The following UNK variants were observed in gnomAD, a reference collection of about 807,000 sequenced individuals.
UNK encodes the protein unk zinc finger, also known as RING finger protein unkempt homolog.
A neutral mutation model predicts 97.6 loss-of-function variants in UNK; 32 were observed. The observed-to-expected ratio is 0.33, with a 90% confidence interval of 0.25 to 0.44. UNK has a LOEUF of 0.44. Ranked by LOEUF, UNK falls within the 20% of genes least tolerant of loss-of-function variation. The pLI is 1.00. For synonymous variants in UNK, 441 were observed against 461.2 expected (o/e 0.96, Z 0.56); for missense variants, 771 against 1,098.4 (o/e 0.70, Z 4.21).
chr17:75,787,507 CTT>C (rs573451271), intron 1 of UNK, among the ~76,000 whole-genome samples: 12 of 139,354 alleles, frequency 8.6e-5, no homozygotes, highest in Non-Finnish European at 1.3e-4. Flanking sequence ...CCACACCCAG[CTT>C]TTTTTTTTTT....
chr17:75,797,904 T>C lies in UNK; in HGVS notation c.105-11856T>C, dbSNP rs200186580. 2.0e-3 allele frequency among the ~76,000 whole-genome samples: 311 copies of C among 152,306 alleles called. 2 individuals are homozygous for C. The highest frequency in any genetic ancestry group is 6.8e-3 in the African/African-American group (282 of 41,560). ...AAATCTGGTGTTGCAGCGCCATCTC[T>C]TTCTGTTGGCTTGTCTTAGTTGTCT... On this transcript the variant is annotated intron_variant, in intron 1 of 15. Transcript: ENST00000589666.
At chr17:75,820,624 C>T (rs1425834026) in intron 13 of UNK, among the ~76,000 whole-genome samples, 1 of 152,182 alleles carries the variant, frequency 6.6e-6, no homozygotes, top group Non-Finnish European at 1.5e-5. Flanking sequence ...TGTTTGCCCA[C>T]AGAATTAGAA....
intron 1 of UNK, chr17:75,793,814 T>C (rs1205044417): frequency 1.0e-6 from 1 of 985,312 alleles, no homozygotes; most frequent in Non-Finnish European, 1.2e-6. Context: ...CTATGAAATT[T>C]TGGCCTATTC....
chr17:75,823,381 G>A lies in UNK; in HGVS notation c.2136G>A (p.Lys712=). 6.2e-7 allele frequency: 1 copy of A among 1,610,722 alleles called. No homozygotes were observed. Residue 712 remains lysine (K), a synonymous_variant, in exon 15 of 16, where the codon AAG becomes AAA. Coordinates refer to ENST00000589666, the MANE Select transcript of UNK (RefSeq NM_001080419.3). ...ATGCACTGGAGGTGCAGGTGAAGAA[G>A]CTCCAGGAGGAGCTGGAGCGGCTAC... ...QRDALEVQVK[K]LQEELERLHA...
chr17:75,822,750 A>C, intron 14 of UNK, 92 bp downstream of exon 14: 1 of 1,381,196 alleles, frequency 7.2e-7, no homozygotes. Context: ...GGTGGGGGAA[A>C]GCGGGGGCTG....
chr17:75,790,138 G>A (rs759630863), intron 1 of UNK, among the ~76,000 whole-genome samples: 6 of 149,642 alleles, frequency 4.0e-5, no homozygotes, highest in East Asian at 4.0e-4. Context: ...ACTAGACTCC[G>A]TCTCAAACAA....
At chr17:75,804,406 G>C (rs1367140451) in intron 1 of UNK, among the ~76,000 whole-genome samples, 4 of 152,090 alleles carry the variant, frequency 2.6e-5, no homozygotes, top group African/African-American at 9.7e-5. Context: ...AGTGAGCTGA[G>C]ATCACGCTGC....
Position 75,824,366 on chromosome 17 carries a change from C to T in UNK, c.2382C>T (p.Gly794=), listed in dbSNP as rs1439043635. The part of the protein sequence containing the change: ...HAALCELCAE[G]SECPICQPGR... ...CGCTGTGTGAGCTCTGCGCTGAGGGCAGCGAGTGCCCCATCTGCCAGCCTG... is the reference window on the plus strand; with the variant it reads ...CGCTGTGTGAGCTCTGCGCTGAGGGTAGCGAGTGCCCCATCTGCCAGCCTG... The change falls in exon 16 of 16, where the codon GGC becomes GGT. Residue 794 remains glycine, a synonymous_variant. Transcript: ENST00000589666. The surrounding 1 kb of genome is among the most constrained non-coding windows in gnomAD (Gnocchi z 4.9). 1 of 1,579,476 alleles carries T rather than the reference C, an allele frequency of 6.3e-7. No homozygotes were observed. The highest frequency in any genetic ancestry group is 8.6e-7 in the Non-Finnish European group (1 of 1,165,644).
chr17:75,818,755 C>T lies in UNK; in HGVS notation c.1485C>T (p.Pro495=), dbSNP rs76256594. 4,882 of 1,612,928 alleles carry T rather than the reference C, an allele frequency of 3.0e-3. 122 individuals are homozygous for T. In the African/African-American group the frequency reaches 0.057, roughly 19 times the overall value. The change falls in exon 11 of 16, where the codon CCC becomes CCT. Residue 495 remains proline, a synonymous_variant. Coordinates refer to ENST00000589666, the MANE Select transcript of UNK (RefSeq NM_001080419.3). This position sits in a 1 kb window ranked among gnomAD's most constrained non-coding sequence, Gnocchi z 5.1. ...GCCCAGTGGGCACCAGCAGCGTCCC[C>T]GGCATGAATGCAAACGCTCTGCCCT... The part of the protein sequence containing the change: ...PPSPVGTSSV[P]GMNANALPFY...
intron 13 of UNK, chr17:75,821,384 T>C: frequency 2.2e-6 from 1 of 456,448 alleles, no homozygotes; most frequent in South Asian, 1.5e-5. Context: ...GGGATCCTCC[T>C]GAGAATCATA....
Position 75,818,115 on chromosome 17 carries a change from C to T in UNK, c.1318C>T (p.Pro440Ser). The T allele has an allele frequency of 1.2e-6, 2 of 1,613,400 alleles. No homozygotes were observed. Among genetic ancestry groups the T allele is most frequent in the South Asian group, 2.2e-5 (2 of 91,082 alleles). ...TTTTCTCTCTCAGGCCAAATTAAAA[C>T]CCCACTCATTAGAGCCCAGGAGTCA... ...KNFKCQAKLK[P>S]HSLEPRSQEQ... The change falls in exon 10 of 16, where the codon CCC (proline) becomes TCC (serine). Residue 440 changes from proline (P) to serine (S), a missense_variant. Physicochemically the swap from Pro to Ser is moderately conservative, Grantham distance 74. Around this residue, in one of 5 missense-constraint regions of UNK, gnomAD observed 192 missense variants for 202.4 expected, o/e 0.95. Coordinates refer to ENST00000589666, the MANE Select transcript of UNK (RefSeq NM_001080419.3). The surrounding 1 kb of genome is among the most constrained non-coding windows in gnomAD (Gnocchi z 5.1).
rs1299037149 is a variant in UNK, at chr17:75,818,308, CAG to C, written c.1371+145_1371+146del. 3.1e-6 allele frequency: 3 copies of C among 977,200 alleles called. No individual in the cohort carries two copies. The African/African-American group carries it at 4.9e-5, about 16-fold the overall frequency. The allele number at this position is 977,200 out of a possible 1,614,324, so 60.5% of individuals were successfully genotyped here. On this transcript the variant is annotated intron_variant, in intron 10 of 15. Transcript: ENST00000589666. The surrounding 1 kb of genome is among the most constrained non-coding windows in gnomAD (Gnocchi z 5.1). Reference sequence around the variant, plus strand: ...TAAAGTGGGGTCCCAGCCACAAATCCAGAGAGGGTAGGGGGTCAGGCCCTGGA... The same window carrying C: ...TAAAGTGGGGTCCCAGCCACAAATCCAGAGGGTAGGGGGTCAGGCCCTGGA...
At chr17:75,810,968 C>A (rs1347811471) in intron 2 of UNK, among the ~76,000 whole-genome samples, 1 of 150,692 alleles carries the variant, frequency 6.6e-6, no homozygotes, top group Non-Finnish European at 1.5e-5. Context: ...AGATGGAGTC[C>A]GCTCTGTTGC....
At chr17:75,804,148 A>C (rs2061888826) in intron 1 of UNK, among the ~76,000 whole-genome samples, 1 of 152,236 alleles carries the variant, frequency 6.6e-6, no homozygotes. Context: ...ACACAAAGGA[A>C]ATTTCTCTAA....
intron 1 of UNK, among the ~76,000 whole-genome samples, chr17:75,808,484 G>A (rs933238052): frequency 2.6e-5 from 4 of 152,052 alleles, no homozygotes; most frequent in Non-Finnish European, 5.9e-5. Context: ...GGTACTGGGA[G>A]CTCTTAGAAC....
chr17:75,822,473 G>A lies in UNK; in HGVS notation c.1838-4G>A. The A allele has an allele frequency of 1.2e-6, 2 of 1,607,988 alleles. No individual in the cohort carries two copies. The highest frequency in any genetic ancestry group is 2.2e-5 in the East Asian group (1 of 44,652). On this transcript the variant is annotated splice_polypyrimidine_tract_variant and splice_region_variant and intron_variant, in intron 13 of 15. Coordinates refer to ENST00000589666, the MANE Select transcript of UNK (RefSeq NM_001080419.3). ...AGCTGATGTTCTTCCCCTCCTTGGG[G>A]CAGGTCTGAACGGGATGAACAGCAG...
chr17:75,802,892 CAAGGTGGGCGGAT>C (rs1376856102), intron 1 of UNK, among the ~76,000 whole-genome samples: 1 of 151,858 alleles, frequency 6.6e-6, no homozygotes, highest in African/African-American at 2.4e-5. Context: ...TTTGAGAGGC[CAAGGTGGGCGGAT>C]CACGAGGTCA....
At position 75,824,487 on chromosome 17, in the gene UNK, TG is replaced by T; in HGVS notation, c.*71del. On this transcript the variant is annotated 3_prime_UTR_variant, in exon 16 of 16. Coordinates refer to ENST00000589666, the MANE Select transcript of UNK (RefSeq NM_001080419.3). The surrounding 1 kb of genome is among the most constrained non-coding windows in gnomAD (Gnocchi z 4.9). ...ACTTTTTAAAGTATATATATATATATGAATATATATATATATGTGTATGTAT... is the reference window on the plus strand; with the variant it reads ...ACTTTTTAAAGTATATATATATATATAATATATATATATATGTGTATGTAT... 3 of 953,208 alleles carry T rather than the reference TG, an allele frequency of 3.1e-6. No homozygotes were observed. Among genetic ancestry groups the T allele is most frequent in the Non-Finnish European group, 4.0e-6 (3 of 747,410 alleles). The allele number at this position is 953,208 out of a possible 1,614,324, so 59.0% of individuals were successfully genotyped here.
chr17:75,813,762 T>C lies in UNK; in HGVS notation c.760T>C (p.Ser254Pro). 6.3e-7 allele frequency: 1 copy of C among 1,582,428 alleles called. No homozygotes were observed. The highest frequency in any genetic ancestry group is 8.6e-7 in the Non-Finnish European group (1 of 1,164,208). The stretch of plus-strand genomic sequence containing the variant: ...TGACCCCACCCTCTTGTTGGCCAGG[T>C]CGTCTCCATGTCCAAACGTCAAGCA... ...RRSPRKHKYR[S>P]SPCPNVKHGD... Residue 254 changes from serine to proline, a missense_variant and splice_region_variant, in exon 6 of 16, where the codon TCG (serine) becomes CCG (proline). By Grantham distance (74) the Ser-to-Pro change is moderately conservative (BLOSUM62 -1). Transcript: ENST00000589666.
Sources: gnomAD v4.1 joint callset for allele counts (sites outside exome capture counted in the v4.1 genomes callset) on GRCh38, gnomAD v4.1.1 for gene constraint, gnomAD v4.1.1 regional missense constraint, Gnocchi (gnomAD v3.1) non-coding constraint, MANE v1.5 for transcripts, NCBI Gene and HGNC (gene_info 2026-07-23, HGNC 2026-07-21) for gene names.